Variants in NALF1 observed in about 807,000 individuals in gnomAD.
NALF1 encodes the protein family with sequence similarity 155 member A.
Under a neutral mutation model 48.4 loss-of-function variants are expected in NALF1, and 3 were observed. That is an observed-to-expected ratio of 0.06 (90% CI 0.03 to 0.16). The LOEUF is 0.16. Ranked by LOEUF, NALF1 falls within the 10% of genes least tolerant of loss-of-function variation. NALF1 has a pLI of 1.00. For missense variants in NALF1, 526 were observed against 571.5 expected, an observed-to-expected ratio of 0.92 and a Z score of 0.81; for synonymous variants, 262 against 245.7, an observed-to-expected ratio of 1.07 and a Z score of -0.62.
rs9520469 is a variant in NALF1 at position 107,512,210 on chromosome 13, T to C, written c.916-301455A>G. ...GAGATCGAGACCATCCTGGCTAACATGGTGAAACTCCGTCTCTACTAAAAA... is the reference window on the plus strand; with the variant it reads ...GAGATCGAGACCATCCTGGCTAACACGGTGAAACTCCGTCTCTACTAAAAA... On this transcript the variant is annotated intron_variant, in intron 1 of 2. Transcript: ENST00000375915. Among the ~76,000 whole-genome samples the C allele has an allele frequency of 8.8e-3, 1,334 of 152,198 alleles. 10 individuals carry two copies. The highest frequency in any genetic ancestry group is 0.015 in the Non-Finnish European group (1,037 of 67,996).
At chr13:107,764,742 G>T (rs1026901233) in intron 1 of NALF1, among the ~76,000 whole-genome samples, 1 of 152,116 alleles carries the variant, frequency 6.6e-6, no homozygotes, top group Admixed American at 6.5e-5. Flanking sequence ...CTGTATGATT[G>T]GTGCAAACAG....
chr13:107,704,712 T>A (rs1279735668), intron 1 of NALF1, among the ~76,000 whole-genome samples: 1 of 152,168 alleles, frequency 6.6e-6, no homozygotes, highest in Admixed American at 6.5e-5. Flanking sequence ...TCAGGTAAAA[T>A]AAGAGGACAG....
intron 1 of NALF1, among the ~76,000 whole-genome samples, chr13:107,768,432 T>C (rs1050400942): frequency 1.3e-5 from 2 of 152,210 alleles, no homozygotes; most frequent in Non-Finnish European, 2.9e-5. Flanking sequence ...TCTAATACGA[T>C]GGGACACAAT....
At chr13:107,239,254 C>T (rs527437282) in intron 1 of NALF1, among the ~76,000 whole-genome samples, 3 of 152,286 alleles carry the variant, frequency 2.0e-5, no homozygotes, top group South Asian at 4.1e-4. Flanking sequence ...ACTGAAGCGC[C>T]GACAGGCCAT....
chr13:107,856,755 A>G (rs1031497983), intron 1 of NALF1, among the ~76,000 whole-genome samples: 15 of 152,206 alleles, frequency 9.9e-5, no homozygotes, highest in African/African-American at 3.6e-4. Context: ...ATGCCAAAGG[A>G]TGTTGGATGG....
chr13:107,426,772 G>C (rs1244801693), intron 1 of NALF1, among the ~76,000 whole-genome samples: 1 of 151,998 alleles, frequency 6.6e-6, no homozygotes, highest in Non-Finnish European at 1.5e-5. Context: ...GGTTTAATTA[G>C]ACTACTTCTA....
intron 1 of NALF1, among the ~76,000 whole-genome samples, chr13:107,445,030 T>C (rs1884624446): frequency 6.6e-6 from 1 of 152,222 alleles, no homozygotes; most frequent in African/African-American, 2.4e-5. Flanking sequence ...GGTGATATAT[T>C]GCATAATTAT....
In NALF1 at chr13:107,788,277, C is replaced by T. The variant is rs1452694890; in HGVS notation, c.915+77405G>A. 2.0e-5 allele frequency: 3 copies of T among 152,170 alleles called. No individual in the cohort carries two copies. The East Asian group carries it at 5.8e-4, about 29-fold the overall frequency. The allele number at this position is 152,170 out of a possible 1,614,324, so 9.4% of individuals were successfully genotyped here. Reference sequence around the variant, plus strand: ...CGTGTCTCATTTTGCCCTCACTGATCTGTTGTCCATAATTGGGCCCAAATG... The same window carrying T: ...CGTGTCTCATTTTGCCCTCACTGATTTGTTGTCCATAATTGGGCCCAAATG... On this transcript the variant is annotated intron_variant, in intron 1 of 2. Coordinates refer to ENST00000375915, the MANE Select transcript of NALF1 (RefSeq NM_001080396.3).
At chr13:107,671,481 A>G (rs187927213) in intron 1 of NALF1, among the ~76,000 whole-genome samples, 1 of 152,242 alleles carries the variant, frequency 6.6e-6, no homozygotes, top group Admixed American at 6.5e-5. Flanking sequence ...AGTAATGTAA[A>G]AATGATTGGA....
intron 1 of NALF1, among the ~76,000 whole-genome samples, chr13:107,294,932 C>T (rs1483102476): frequency 6.6e-6 from 1 of 152,156 alleles, no homozygotes; most frequent in African/African-American, 2.4e-5. Flanking sequence ...AGACTTCTCT[C>T]TGAGCTTCTG....
At chr13:107,588,112 T>C (rs1172355469) in intron 1 of NALF1, among the ~76,000 whole-genome samples, 1 of 152,164 alleles carries the variant, frequency 6.6e-6, no homozygotes, top group Non-Finnish European at 1.5e-5. Context: ...GGCACATTCC[T>C]AAACATCTTT....
intron 1 of NALF1, among the ~76,000 whole-genome samples, chr13:107,787,356 GAATGTCTATGT>G (rs1405570821): frequency 6.6e-6 from 1 of 152,136 alleles, no homozygotes; most frequent in African/African-American, 2.4e-5. Context: ...TATATGGTAA[GAATGTCTATGT>G]AATTGGTTTA....
chr13:107,792,870 C>G (rs927541471), intron 1 of NALF1, among the ~76,000 whole-genome samples: 1 of 152,104 alleles, frequency 6.6e-6, no homozygotes, highest in African/African-American at 2.4e-5. Flanking sequence ...AGTGCAGTGA[C>G]AAAATCATAG....
intron 1 of NALF1, among the ~76,000 whole-genome samples, chr13:107,852,848 T>G (rs987192763): frequency 6.6e-6 from 1 of 152,204 alleles, no homozygotes; most frequent in African/African-American, 2.4e-5. Context: ...ACAATGGAGA[T>G]AGCATTCCAC....
chr13:107,560,859 T>A (rs931990473), intron 1 of NALF1, among the ~76,000 whole-genome samples: 2 of 152,238 alleles, frequency 1.3e-5, no homozygotes, highest in African/African-American at 4.8e-5. Context: ...TACAGGATAA[T>A]CTCTTCACCA....
rs1878621806 is a variant in NALF1, at chr13:107,164,630, T to C, written c.*5867A>G. 6.6e-6 allele frequency: 1 copy of C among 152,032 alleles called. No homozygotes were observed. The highest frequency in any genetic ancestry group is 2.4e-5 in the African/African-American group (1 of 41,414). 9.4% of individuals were successfully genotyped at this position (152,032 alleles called of 1,614,324 possible). ...TGTGTAGATGCCTTTAACTTTTGCT[T>C]GTCAGTAGTAGCCTTTTGGGAGTGG... On this transcript the variant is annotated 3_prime_UTR_variant, in exon 3 of 3. Coordinates refer to ENST00000375915, the MANE Select transcript of NALF1 (RefSeq NM_001080396.3).
chr13:107,590,952 T>C (rs1878586632), intron 1 of NALF1, among the ~76,000 whole-genome samples: 1 of 151,974 alleles, frequency 6.6e-6, no homozygotes, highest in African/African-American at 2.4e-5. Context: ...AGTCATAGGA[T>C]AGGTAGGATT....
rs534154420 is a variant in NALF1 at position 107,673,445 on chromosome 13, C to T, written c.915+192237G>A. On this transcript the variant is annotated intron_variant, in intron 1 of 2. Coordinates refer to ENST00000375915, the MANE Select transcript of NALF1 (RefSeq NM_001080396.3). ...ATTTTAGTGATTGTGCTCAACTTGA[C>T]GATATGGTGCTATTCCTATTCTCTC... Among the ~76,000 whole-genome samples the T allele has an allele frequency of 2.0e-4, 30 of 152,164 alleles. No individual in the cohort carries two copies. The South Asian group carries it at 2.1e-3, about 11-fold the overall frequency.
chr13:107,407,335 G>C (rs976328525), intron 1 of NALF1, among the ~76,000 whole-genome samples: 1 of 151,904 alleles, frequency 6.6e-6, no homozygotes, highest in Non-Finnish European at 1.5e-5. Flanking sequence ...AGAATGGAAG[G>C]AAATATTTGC....
Sources: gnomAD v4.1 joint callset for allele counts (sites outside exome capture counted in the v4.1 genomes callset) on GRCh38, gnomAD v4.1.1 for gene constraint, MANE v1.5 for transcripts, NCBI Gene and HGNC (gene_info 2026-07-23, HGNC 2026-07-21) for gene names.